SLC5A3: variants seen among roughly 807,000 people sequenced by gnomAD.
The protein encoded by SLC5A3 is sodium/myo-inositol cotransporter.
In SLC5A3, 10 loss-of-function variants were observed where a neutral mutation model predicts 43.2. The ratio of observed to expected loss-of-function variants is 0.23; its 90% confidence interval spans 0.14 to 0.39. The LOEUF (loss-of-function observed/expected upper bound fraction) is 0.39. SLC5A3 is among the 10% of genes least tolerant of loss of function. SLC5A3 has a pLI of 1.00. For missense variants in SLC5A3, 608 were observed against 893.4 expected, an observed-to-expected ratio of 0.68 and a Z score of 4.07; for synonymous variants, 349 against 322.0, an observed-to-expected ratio of 1.08 and a Z score of -0.90.
chr21:34,075,146 T>C (rs1466386590), intron 1 of SLC5A3, among the ~76,000 whole-genome samples: 1 of 152,262 alleles, frequency 6.6e-6, no homozygotes. Context: ...GGAAGTTGTT[T>C]AAGCCCTCCC....
chr21:34,073,597 C>G lies in SLC5A3; in HGVS notation c.-485C>G. The G allele has an allele frequency of 9.9e-7, 1 of 1,008,842 alleles. No homozygotes were observed. The highest frequency in any genetic ancestry group is 1.4e-6 in the Non-Finnish European group (1 of 701,106). 62.5% of individuals were successfully genotyped at this position (1,008,842 alleles called of 1,614,324 possible). On this transcript the variant is annotated 5_prime_UTR_variant, in exon 1 of 2. Coordinates refer to ENST00000381151, the MANE Select transcript of SLC5A3 (RefSeq NM_006933.7). ...GACCGTGCTTTCGCCGCCTGGGAGC[C>G]GTCCGGCGCAGCAGTTTCTAGGTCC...
At chr21:34,077,386 C>T (rs1215196815) in intron 1 of SLC5A3, among the ~76,000 whole-genome samples, 2 of 152,290 alleles carry the variant, frequency 1.3e-5, no homozygotes, top group African/African-American at 2.4e-5. Flanking sequence ...ACGCTAATTA[C>T]GTCTCGTGCC....
In SLC5A3 at chr21:34,104,012, C is replaced by A; in HGVS notation, c.*6657C>A. ...ATCTTAAATCTTTTAGGAAATATTACCTCTTAACAGTGCCCCCCCAAACAT... is the reference window on the plus strand; with the variant it reads ...ATCTTAAATCTTTTAGGAAATATTAACTCTTAACAGTGCCCCCCCAAACAT... On this transcript the variant is annotated 3_prime_UTR_variant, in exon 2 of 2. Transcript: ENST00000381151. 5.0e-6 allele frequency: 5 copies of A among 1,000,062 alleles called. No homozygotes were observed. Among genetic ancestry groups the A allele is most frequent in the Non-Finnish European group, 6.0e-6 (5 of 829,864 alleles). The allele number at this position is 1,000,062 out of a possible 1,614,324, so 61.9% of individuals were successfully genotyped here.
intron 1 of SLC5A3, among the ~76,000 whole-genome samples, chr21:34,091,245 C>A (rs899210147): frequency 2.7e-5 from 2 of 73,672 alleles, no homozygotes; most frequent in African/African-American, 1.2e-4. Context: ...AAGATTATTG[C>A]GTACTACTCT....
Position 34,095,949 on chromosome 21 carries a change from C to T in SLC5A3, c.751C>T (p.Leu251=), listed in dbSNP as rs762880811. 4 of 1,614,140 alleles carry T rather than the reference C, an allele frequency of 2.5e-6. No homozygotes were observed. Among genetic ancestry groups the T allele is most frequent in the East Asian group, 2.2e-5 (1 of 44,882 alleles). ...CCCTAAGAAAGAAGCCCTGAAAATG[C>T]TGCGGAATCCAACAGATGAAGATGT... is the stretch of plus-strand genomic sequence containing the variant. The part of the protein sequence containing the change: ...VSPKKEALKM[L]RNPTDEDVPW... Residue 251 remains leucine (L), a synonymous_variant, in exon 2 of 2, where the codon CTG becomes TTG. Coordinates refer to ENST00000381151, the MANE Select transcript of SLC5A3 (RefSeq NM_006933.7).
Position 34,096,248 on chromosome 21 carries a change from T to G in SLC5A3, c.1050T>G (p.Ala350=). 4 of 1,614,154 alleles carry G rather than the reference T, an allele frequency of 2.5e-6. No homozygotes were observed. The highest frequency in any genetic ancestry group is 1.1e-5 in the South Asian group (1 of 91,082). ...GCAGAGCTGGTTGCTCCAATATTGC[T>G]TACCCACGCCTGGTGATGAAGCTGG... ...CGSRAGCSNI[A]YPRLVMKLVP... Residue 350 remains alanine, a synonymous_variant, in exon 2 of 2, where the codon GCT becomes GCG. Coordinates refer to ENST00000381151, the MANE Select transcript of SLC5A3 (RefSeq NM_006933.7). The surrounding 1 kb of genome is among the most constrained non-coding windows in gnomAD (Gnocchi z 5.9).
intron 1 of SLC5A3, among the ~76,000 whole-genome samples, chr21:34,081,846 AT>A (rs1989465729): frequency 6.6e-6 from 1 of 152,184 alleles, no homozygotes; most frequent in African/African-American, 2.4e-5. Context: ...GATAAAACTT[AT>A]TATATCTAAG....
intron 1 of SLC5A3, among the ~76,000 whole-genome samples, chr21:34,076,564 G>T (rs992818681): frequency 6.6e-6 from 1 of 152,290 alleles, no homozygotes; most frequent in Admixed American, 6.5e-5. Flanking sequence ...GGGCATTTAG[G>T]AATGTAGTTA....
rs146258759 is a variant in SLC5A3 at position 34,097,953 on chromosome 21, C to G, written c.*598C>G. ...TTTCCTGTAGGTATTTTTGTACCACCAGTATATGGAATGTTAGGGAAAAAC... is the reference window on the plus strand; with the variant it reads ...TTTCCTGTAGGTATTTTTGTACCACGAGTATATGGAATGTTAGGGAAAAAC... On this transcript the variant is annotated 3_prime_UTR_variant, in exon 2 of 2. Transcript: ENST00000381151. The G allele has an allele frequency of 1.0e-6, 1 of 994,592 alleles. No individual in the cohort carries two copies. Among genetic ancestry groups the G allele is most frequent in the African/African-American group, 1.8e-5 (1 of 57,086 alleles). The allele number at this position is 994,592 out of a possible 1,614,324, so 61.6% of individuals were successfully genotyped here.
intron 1 of SLC5A3, among the ~76,000 whole-genome samples, chr21:34,081,709 T>C (rs1369522416): frequency 6.6e-6 from 1 of 152,210 alleles, no homozygotes; most frequent in African/African-American, 2.4e-5. Context: ...AAAGTGGTTA[T>C]GTGACCTTGG....
chr21:34,087,645 G>A (rs2148656144), intron 1 of SLC5A3, among the ~76,000 whole-genome samples: 1 of 152,358 alleles, frequency 6.6e-6, no homozygotes, highest in South Asian at 2.1e-4. Context: ...GACAGGTCTT[G>A]TGGAAACCTG....
Position 34,104,601 on chromosome 21 carries a change from C to T in SLC5A3, c.*7246C>T, listed in dbSNP as rs905215705. 1 of 999,940 alleles carries T rather than the reference C, an allele frequency of 1.0e-6. No individual in the cohort carries two copies. The highest frequency in any genetic ancestry group is 1.2e-6 in the Non-Finnish European group (1 of 829,898). 61.9% of individuals were successfully genotyped at this position (999,940 alleles called of 1,614,324 possible). On this transcript the variant is annotated 3_prime_UTR_variant, in exon 2 of 2. Coordinates refer to ENST00000381151, the MANE Select transcript of SLC5A3 (RefSeq NM_006933.7). ...TATGAGATGTTTTAGAAGAGTTAACCTGAACACTTTGAGGGAGAGATTATT... is the reference window on the plus strand; with the variant it reads ...TATGAGATGTTTTAGAAGAGTTAACTTGAACACTTTGAGGGAGAGATTATT...
At chr21:34,082,053 TG>T (rs950853296) in intron 1 of SLC5A3, among the ~76,000 whole-genome samples, 1 of 141,936 alleles carries the variant, frequency 7.0e-6, no homozygotes, top group South Asian at 2.1e-4. Flanking sequence ...ATAGGAAATC[TG>T]GTTTTTTTTT....
At position 34,098,384 on chromosome 21, in the gene SLC5A3, C is replaced by G. The variant is rs1010816978; in HGVS notation, c.*1029C>G. On this transcript the variant is annotated 3_prime_UTR_variant, in exon 2 of 2. Coordinates refer to ENST00000381151, the MANE Select transcript of SLC5A3 (RefSeq NM_006933.7). ...GCTGGATTGCTCTACTTGATTAGAT[C>G]ATGATATATCAAGGTTGAATTTTTA... The G allele has an allele frequency of 2.6e-5, 26 of 1,000,072 alleles. No homozygotes were observed. The highest frequency in any genetic ancestry group is 6.2e-5 in the Admixed American group (1 of 16,250). The allele number at this position is 1,000,072 out of a possible 1,614,324, so 61.9% of individuals were successfully genotyped here.
In SLC5A3 at chr21:34,102,486, T is replaced by TTA. The variant is rs970889368; in HGVS notation, c.*5131_*5132insTA. 4 of 1,000,038 alleles carry TTA rather than the reference T, an allele frequency of 4.0e-6. No homozygotes were observed. The African/African-American group carries it at 7.0e-5, about 17-fold the overall frequency. The allele number at this position is 1,000,038 out of a possible 1,614,324, so 61.9% of individuals were successfully genotyped here. On this transcript the variant is annotated 3_prime_UTR_variant, in exon 2 of 2. Transcript: ENST00000381151. ...CAACAACCCTAACCATTGGCATATA[T>TTA]AGTCTTTCACTCAGAAATAAACAAA...
At chr21:34,080,872 C>T (rs1253706498) in intron 1 of SLC5A3, among the ~76,000 whole-genome samples, 1 of 152,208 alleles carries the variant, frequency 6.6e-6, no homozygotes, top group Non-Finnish European at 1.5e-5. Context: ...TAGTAGTTTG[C>T]TTACAAGTCA....
At position 34,102,869 on chromosome 21, in the gene SLC5A3, A is replaced by G. The variant is rs1051753187; in HGVS notation, c.*5514A>G. 1.0e-6 allele frequency: 1 copy of G among 999,894 alleles called. No individual in the cohort carries two copies. Among genetic ancestry groups the G allele is most frequent in the Admixed American group, 6.2e-5 (1 of 16,246 alleles). 61.9% of individuals were successfully genotyped at this position (999,894 alleles called of 1,614,324 possible). ...ATTCAGAGCTCTATCAATAAGAGGAATACATATTACAGTGAATTCGACAAC... is the reference window on the plus strand; with the variant it reads ...ATTCAGAGCTCTATCAATAAGAGGAGTACATATTACAGTGAATTCGACAAC... On this transcript the variant is annotated 3_prime_UTR_variant, in exon 2 of 2. Coordinates refer to ENST00000381151, the MANE Select transcript of SLC5A3 (RefSeq NM_006933.7).
intron 1 of SLC5A3, among the ~76,000 whole-genome samples, chr21:34,087,419 T>C (rs1016241912): frequency 6.6e-6 from 1 of 152,226 alleles, no homozygotes; most frequent in East Asian, 1.9e-4. Flanking sequence ...ACCTGTAATA[T>C]GTAAGATGGT....
intron 1 of SLC5A3, among the ~76,000 whole-genome samples, chr21:34,079,504 C>G (rs913068641): frequency 6.6e-6 from 1 of 151,410 alleles, no homozygotes; most frequent in Non-Finnish European, 1.5e-5. Flanking sequence ...GGCACGATCT[C>G]GGCTCACTGC....
Sources: gnomAD v4.1 joint callset for allele counts (sites outside exome capture counted in the v4.1 genomes callset) on GRCh38, gnomAD v4.1.1 for gene constraint, Gnocchi (gnomAD v3.1) non-coding constraint, MANE v1.5 for transcripts, NCBI Gene and HGNC (gene_info 2026-07-23, HGNC 2026-07-21) for gene names.